The following MED24 variants were observed in gnomAD, a reference collection of about 807,000 sequenced individuals.
MED24 encodes the protein mediator complex subunit 24.
In MED24, 74 loss-of-function variants were observed where a neutral mutation model predicts 118.8. That is an observed-to-expected ratio of 0.62 (90% CI 0.52 to 0.76). The LOEUF (loss-of-function observed/expected upper bound fraction) is 0.76. Ranked by LOEUF, MED24 falls within the 30% of genes least tolerant of loss-of-function variation. MED24 has a pLI of 0.00. For synonymous variants in MED24, 521 were observed against 523.9 expected (o/e 0.99, Z 0.08); for missense variants, 1,041 against 1,278.9 (o/e 0.81, Z 2.84).
chr17:40,020,364 G>C lies in MED24; in HGVS notation c.2624-11C>G. ...TCATGGATCGGTCTGCTGTGGGACGGAGCAGATGGAGCGCTGGGAAACAGC... is the reference window on the plus strand; with the variant it reads ...TCATGGATCGGTCTGCTGTGGGACGCAGCAGATGGAGCGCTGGGAAACAGC... On this transcript the variant is annotated splice_polypyrimidine_tract_variant and intron_variant, in intron 23 of 25. Coordinates refer to ENST00000394128, the MANE Select transcript of MED24 (RefSeq NM_014815.4). The C allele has an allele frequency of 6.3e-7, 1 of 1,585,882 alleles. No individual in the cohort carries two copies. Among genetic ancestry groups the C allele is most frequent in the Non-Finnish European group, 8.6e-7 (1 of 1,165,900 alleles).
chr17:40,036,821 A>C (rs1436148504), intron 3 of MED24, among the ~76,000 whole-genome samples: 1 of 152,156 alleles, frequency 6.6e-6, no homozygotes, highest in Non-Finnish European at 1.5e-5. Flanking sequence ...GCAAGAACAG[A>C]GGTTTTAATG....
At chr17:40,028,760 C>T in intron 14 of MED24, 66 bp downstream of exon 14, 1 of 1,589,962 alleles carries the variant, frequency 6.3e-7, no homozygotes, top group Non-Finnish European at 8.6e-7. Context: ...GACTCCTACC[C>T]TGCTACCTCC....
At chr17:40,027,333 G>C (rs766509476) in intron 16 of MED24, 50 bp downstream of exon 16, 1 of 1,565,304 alleles carries the variant, frequency 6.4e-7, no homozygotes, top group Non-Finnish European at 8.7e-7. Flanking sequence ...GGAGAGTTCC[G>C]GGTTACCTCC....
At chr17:40,026,520 C>G in intron 18 of MED24, 127 bp downstream of exon 18, 1 of 1,156,502 alleles carries the variant, frequency 8.6e-7, no homozygotes, top group Non-Finnish European at 1.2e-6. Context: ...AACGATTACA[C>G]AAAATATCAA....
At chr17:40,029,409 G>A (rs1258350636) in intron 13 of MED24, among the ~76,000 whole-genome samples, 1 of 152,174 alleles carries the variant, frequency 6.6e-6, no homozygotes, top group Non-Finnish European at 1.5e-5. Context: ...CGCTGGCCAA[G>A]CTGGTCTCAA....
chr17:40,046,401 A>T (rs1443394330), intron 3 of MED24, among the ~76,000 whole-genome samples: 1 of 149,410 alleles, frequency 6.7e-6, no homozygotes, highest in Non-Finnish European at 1.5e-5. Flanking sequence ...AATTTTTAAT[A>T]AAAAAAAATA....
rs1231051158 is a variant in MED24 at position 40,033,094 on chromosome 17, A to G, written c.784T>C (p.Ser262Pro). The change falls in exon 8 of 26, where the codon TCC becomes CCC. Residue 262 changes from serine (S) to proline (P), a missense_variant. This residue lies in a region of MED24 where 434 missense variants were observed against 514.9 expected (regional missense o/e 0.84). Transcript: ENST00000394128. This position sits in a 1 kb window ranked among gnomAD's most constrained non-coding sequence, Gnocchi z 5.2. The stretch of plus-strand genomic sequence containing the variant: ...ACCATCGTCAGCTGCTCCACCAGGG[A>G]CTGCGTCTCGCCTGTCAGGTTCATG... ...GTMNLTGETQ[S>P]LVEQLTMVKR... 1 of 1,613,950 alleles carries G rather than the reference A, an allele frequency of 6.2e-7. No individual in the cohort carries two copies. Among genetic ancestry groups the G allele is most frequent in the African/African-American group, 1.3e-5 (1 of 74,922 alleles).
At chr17:40,023,917 G>A (rs907681212) in intron 19 of MED24, among the ~76,000 whole-genome samples, 6 of 152,180 alleles carry the variant, frequency 3.9e-5, no homozygotes, top group African/African-American at 9.7e-5. Flanking sequence ...AAGAGGCTTC[G>A]GAAGTGAATA....
At chr17:40,036,465 C>T (rs938285770) in intron 3 of MED24, among the ~76,000 whole-genome samples, 14 of 151,932 alleles carry the variant, frequency 9.2e-5, no homozygotes, top group Non-Finnish European at 1.5e-4. Flanking sequence ...CCGAGGCGGG[C>T]GGATCACGAG....
chr17:40,054,007 G>A, intron 1 of MED24: 2 of 297,700 alleles, frequency 6.7e-6, no homozygotes, highest in South Asian at 8.7e-5. Context: ...GTGCATGCCT[G>A]TAATCCCAGC....
At chr17:40,036,064 C>A in intron 4 of MED24, 52 bp downstream of exon 4, 1 of 1,559,672 alleles carries the variant, frequency 6.4e-7, no homozygotes. Context: ...GTCAAGGAGG[C>A]GGGGCCTTGT....
At position 40,023,252 on chromosome 17, in the gene MED24, A is replaced by C. The variant is rs1982252216; in HGVS notation, c.2129T>G (p.Val710Gly). ...LLPPKRPIKEVLTDIFAKVLE... is the reference protein window; with the variant it reads ...LLPPKRPIKEGLTDIFAKVLE... The stretch of plus-strand genomic sequence containing the variant: ...CACCTTGGCAAAAATGTCCGTCAGC[A>C]CCTCTTTGATGGGCCGCTTGGGGGG... Residue 710 changes from valine (V) to glycine (G), a missense_variant, in exon 20 of 26, where the codon GTG (valine) becomes GGG (glycine). This residue lies in a region of MED24 where 587 missense variants were observed against 694.4 expected (regional missense o/e 0.85). Coordinates refer to ENST00000394128, the MANE Select transcript of MED24 (RefSeq NM_014815.4). 1 of 1,613,888 alleles carries C rather than the reference A, an allele frequency of 6.2e-7. No homozygotes were observed.
chr17:40,023,436 G>C (rs764826784), intron 19 of MED24, 41 bp from the exon 20 acceptor site: 1 of 1,537,574 alleles, frequency 6.5e-7, no homozygotes, highest in South Asian at 1.2e-5. Flanking sequence ...AGGTGCCACT[G>C]TAGGGTGGGG....
At chr17:40,035,426 C>A in intron 5 of MED24, 77 bp from the exon 6 acceptor site, 1 of 1,399,324 alleles carries the variant, frequency 7.1e-7, no homozygotes, top group Non-Finnish European at 9.6e-7. Context: ...TCCCCAGAGT[C>A]CCTGGCACTC....
chr17:40,035,059 T>C, intron 6 of MED24, 58 bp downstream of exon 6: 2 of 1,609,986 alleles, frequency 1.2e-6, no homozygotes, highest in Non-Finnish European at 1.7e-6. Context: ...CCTTCTCAAT[T>C]AAAGGACCGG....
Position 40,023,277 on chromosome 17 carries a change from G to T in MED24, c.2104C>A (p.Pro702Thr). Residue 702 changes from proline to threonine, a missense_variant, in exon 20 of 26, where the codon CCC (proline) becomes ACC (threonine). Physicochemically the swap from Pro to Thr is conservative, Grantham distance 38 (BLOSUM62 -1). This residue lies in a region of MED24 where 587 missense variants were observed against 694.4 expected (regional missense o/e 0.85). Coordinates refer to ENST00000394128, the MANE Select transcript of MED24 (RefSeq NM_014815.4). ...VDTMPYWNLLPPKRPIKEVLT... is the reference protein window; with the variant it reads ...VDTMPYWNLLTPKRPIKEVLT... ...ACCTCTTTGATGGGCCGCTTGGGGGGCAGCAGGTTCCAGTAGGGCATTGTG... is the reference window on the plus strand; with the variant it reads ...ACCTCTTTGATGGGCCGCTTGGGGGTCAGCAGGTTCCAGTAGGGCATTGTG... 6.2e-7 allele frequency: 1 copy of T among 1,614,162 alleles called. No individual in the cohort carries two copies. Among genetic ancestry groups the T allele is most frequent in the Non-Finnish European group, 8.5e-7 (1 of 1,180,026 alleles).
chr17:40,051,243 A>C lies in MED24; in HGVS notation c.213+2055T>G, dbSNP rs566434629. On this transcript the variant is annotated intron_variant, in intron 3 of 25. Coordinates refer to ENST00000394128, the MANE Select transcript of MED24 (RefSeq NM_014815.4). ...GGACAATTGCTTGAACCCGAAAGGC[A>C]GAGGTTGCAGTGAGCCAAGATTGTG... 2.0e-5 allele frequency among the ~76,000 whole-genome samples: 3 copies of C among 152,084 alleles called. No homozygotes were observed. The South Asian group carries it at 6.2e-4, about 32-fold the overall frequency.
chr17:40,051,981 G>A (rs1985898248), intron 3 of MED24, among the ~76,000 whole-genome samples: 1 of 151,812 alleles, frequency 6.6e-6, no homozygotes, highest in Non-Finnish European at 1.5e-5. Context: ...CTGTAAGCTA[G>A]TGTGTTCTGA....
At chr17:40,027,091 G>T in intron 16 of MED24, 57 bp from the exon 17 acceptor site, 1 of 1,583,074 alleles carries the variant, frequency 6.3e-7, no homozygotes, top group East Asian at 2.3e-5. Flanking sequence ...GCCTGCCAGC[G>T]CTGGACCTGG....
Sources: gnomAD v4.1 joint callset for allele counts (sites outside exome capture counted in the v4.1 genomes callset) on GRCh38, gnomAD v4.1.1 for gene constraint, gnomAD v4.1.1 regional missense constraint, Gnocchi (gnomAD v3.1) non-coding constraint, MANE v1.5 for transcripts, NCBI Gene and HGNC (gene_info 2026-07-23, HGNC 2026-07-21) for gene names.